Variants in LDLRAD4 observed in about 807,000 individuals in gnomAD.
The protein encoded by LDLRAD4 is low density lipoprotein receptor class A domain containing 4.
Under a neutral mutation model 17.0 loss-of-function variants are expected in LDLRAD4, and 5 were observed. The observed-to-expected ratio is 0.29, with a 90% CI of 0.15 to 0.62. LDLRAD4 has a LOEUF of 0.62. Ranked by LOEUF, LDLRAD4 falls within the 20% of genes least tolerant of loss-of-function variation. LDLRAD4 has a pLI of 0.84. For synonymous variants in LDLRAD4, 168 were observed against 171.8 expected (o/e 0.98, Z 0.17); for missense variants, 340 against 424.7 (o/e 0.80, Z 1.75).
intron 3 of LDLRAD4, chr18:13,471,881 T>C (rs4797779): frequency 0.37 from 56,932 of 152,164 alleles, 11,819 homozygotes; most frequent in East Asian, 0.63. Flanking sequence ...TCTTTGGCAC[T>C]ATAAAAAGCA....
chr18:13,401,108 G>A, intron 2 of LDLRAD4, among the ~76,000 whole-genome samples: 1 of 152,182 alleles, frequency 6.6e-6, no homozygotes, highest in East Asian at 1.9e-4. Context: ...GAGGGCAAGG[G>A]CACATAGAGA....
At chr18:13,411,315 T>G (rs1009937583) in intron 2 of LDLRAD4, among the ~76,000 whole-genome samples, 1 of 149,024 alleles carries the variant, frequency 6.7e-6, no homozygotes. Context: ...AATCATCTTT[T>G]GTTAGTATGC....
At chr18:13,426,172 T>A (rs557585854) in intron 2 of LDLRAD4, 1 of 152,616 alleles carries the variant, frequency 6.6e-6, no homozygotes, top group East Asian at 1.9e-4. Context: ...TATCAGCCAG[T>A]GTTCCATTGA....
intron 3 of LDLRAD4, among the ~76,000 whole-genome samples, chr18:13,457,967 G>A (rs2146501823): frequency 6.6e-6 from 1 of 152,298 alleles, no homozygotes; most frequent in Non-Finnish European, 1.5e-5. Context: ...TCCATGAATG[G>A]TCTTGGAAAA....
At position 13,349,031 on chromosome 18, in the gene LDLRAD4, C is replaced by T. The variant is rs904322153; in HGVS notation, c.-382-38310C>T. On this transcript the variant is annotated intron_variant, in intron 1 of 5. Coordinates refer to ENST00000359446, the Ensembl canonical transcript of LDLRAD4. ...GACCCCTTGCACTTCCCAGGTGAGG[C>T]GATGCCTCGCCCTGCTTTGGCTCAC... Among the ~76,000 whole-genome samples the T allele has an allele frequency of 6.6e-5, 10 of 152,320 alleles. No individual in the cohort carries two copies. In the South Asian group the frequency reaches 8.3e-4, roughly 13 times the overall value.
intron 1 of LDLRAD4, among the ~76,000 whole-genome samples, chr18:13,324,887 G>A (rs1199322267): frequency 3.3e-5 from 5 of 152,172 alleles, no homozygotes; most frequent in Non-Finnish European, 5.9e-5. Flanking sequence ...TTCTTGTGAG[G>A]CTTTGATTTT....
chr18:13,285,730 G>T (rs1363063882), intron 1 of LDLRAD4, among the ~76,000 whole-genome samples: 1 of 152,062 alleles, frequency 6.6e-6, no homozygotes, highest in Non-Finnish European at 1.5e-5. Flanking sequence ...CTTGAAACTC[G>T]GGGGTTGTGG....
chr18:13,603,548 G>A (rs538489780), intron 3 of LDLRAD4, among the ~76,000 whole-genome samples: 1 of 152,330 alleles, frequency 6.6e-6, no homozygotes, highest in South Asian at 2.1e-4. Flanking sequence ...TCTCACCTGT[G>A]AGATTGGGAT....
chr18:13,381,023 C>T (rs1482220778), intron 1 of LDLRAD4, among the ~76,000 whole-genome samples: 1 of 151,874 alleles, frequency 6.6e-6, no homozygotes, highest in Non-Finnish European at 1.5e-5. Flanking sequence ...TTTGCATTTC[C>T]ATGTGGATTT....
chr18:13,321,861 C>CAAAAAAAAAAAAAAAAAAAAAA lies in LDLRAD4; in HGVS notation c.-383+43693_-383+43714dup, dbSNP rs57033432. 2.0e-3 allele frequency among the ~76,000 whole-genome samples: 125 copies of CAAAAAAAAAAAAAAAAAAAAAA among 62,134 alleles called. 3 individuals are homozygous for CAAAAAAAAAAAAAAAAAAAAAA. The highest frequency in any genetic ancestry group is 2.8e-3 in the Non-Finnish European group (102 of 35,794). 40.8% of individuals were successfully genotyped at this position (62,134 alleles called of 152,430 possible). A position where few individuals can be genotyped will look rare whatever the true frequency, so the allele number is the denominator to read the frequency against. ...AGGCAACAACAGCGAGACTCCGTCT[C>CAAAAAAAAAAAAAAAAAAAAAA]AAAAAAAAAAAAAAAAAAAAAAAAA... On this transcript the variant is annotated intron_variant, in intron 1 of 5. Transcript: ENST00000359446.
intron 1 of LDLRAD4, among the ~76,000 whole-genome samples, chr18:13,292,589 G>C (rs1030433962): frequency 1.1e-4 from 16 of 152,304 alleles, no homozygotes; most frequent in African/African-American, 3.8e-4. Flanking sequence ...TGGAAATGTT[G>C]AAAACCTTTA....
At chr18:13,331,637 A>G (rs536468904) in intron 1 of LDLRAD4, among the ~76,000 whole-genome samples, 1 of 152,316 alleles carries the variant, frequency 6.6e-6, no homozygotes, top group Admixed American at 6.5e-5. Flanking sequence ...ATGTTGAACT[A>G]TGTTTTCATT....
At chr18:13,642,602 C>T in intron 4 of LDLRAD4, 1 of 1,229,842 alleles carries the variant, frequency 8.1e-7, no homozygotes, top group African/African-American at 1.6e-5. Context: ...GGGCCGTCCA[C>T]CTGCGAGCGC....
chr18:13,279,668 T>G (rs28446965), intron 1 of LDLRAD4: 49 of 152,350 alleles, frequency 3.2e-4, no homozygotes, highest in African/African-American at 1.1e-3. Context: ...ACTTTCAAAA[T>G]TGGTAATGGA....
chr18:13,612,422 G>T (rs1001165943), intron 3 of LDLRAD4: 23 of 1,252,236 alleles, frequency 1.8e-5, no homozygotes, highest in South Asian at 6.5e-5. Context: ...CCTGGTTTCT[G>T]TTGATGGCAG....
rs760576487 is a variant in LDLRAD4 at position 13,621,315 on chromosome 18, A to G, written c.336+44A>G. On this transcript the variant is annotated intron_variant, in intron 4 of 5. Coordinates refer to ENST00000359446, the Ensembl canonical transcript of LDLRAD4. This position sits in a 1 kb window ranked among gnomAD's most constrained non-coding sequence, Gnocchi z 5.5. ...CCGGCTCCAGAGTCAGGCAGCTGCA[A>G]GAGGCTTAGGAGCCCATCAGGGTTC... 6.6e-7 allele frequency: 1 copy of G among 1,518,762 alleles called. No homozygotes were observed. The highest frequency in any genetic ancestry group is 9.1e-7 in the Non-Finnish European group (1 of 1,101,586). 94.1% of individuals were successfully genotyped at this position (1,518,762 alleles called of 1,614,324 possible).
intron 3 of LDLRAD4, among the ~76,000 whole-genome samples, chr18:13,554,978 T>C (rs8088480): frequency 0.076 from 11,497 of 152,246 alleles, 1,060 homozygotes; most frequent in African/African-American, 0.22. Flanking sequence ...GAAGTGACAC[T>C]CTACCCTGTG....
intron 3 of LDLRAD4, among the ~76,000 whole-genome samples, chr18:13,512,397 C>T (rs2093796149): frequency 1.3e-5 from 2 of 152,194 alleles, no homozygotes; most frequent in African/African-American, 4.8e-5. Flanking sequence ...AGGAACATCC[C>T]TTGTGGTTTT....
chr18:13,474,643 C>T (rs72878821), intron 3 of LDLRAD4, among the ~76,000 whole-genome samples: 3,774 of 152,324 alleles, frequency 0.025, 83 homozygotes, highest in Middle Eastern at 0.085. Flanking sequence ...AAGCCAGTGC[C>T]TGGCCAGAGG....
Sources: gnomAD v4.1 joint callset for allele counts (sites outside exome capture counted in the v4.1 genomes callset) on GRCh38, gnomAD v4.1.1 for gene constraint, Gnocchi (gnomAD v3.1) non-coding constraint, MANE v1.5 for transcripts, NCBI Gene and HGNC (gene_info 2026-07-23, HGNC 2026-07-21) for gene names.